KALRN: variants seen among roughly 807,000 people sequenced by gnomAD.
KALRN encodes the protein kalirin RhoGEF kinase, also known as kalirin.
A neutral mutation model predicts 353.7 loss-of-function variants in KALRN; 70 were observed. That is an observed-to-expected ratio of 0.20 (90% CI 0.16 to 0.24). The LOEUF (loss-of-function observed/expected upper bound fraction) is 0.24, where lower values mean the gene tolerates loss of function less well. Ranked by LOEUF, KALRN falls within the 10% of genes least tolerant of loss-of-function variation. The pLI is 1.00. For missense variants in KALRN, 2,791 were observed against 3,756.7 expected (o/e 0.74, Z 6.72); for synonymous variants, 1,391 against 1,434.8 (o/e 0.97, Z 0.69).
chr3:124,513,939 T>C (rs1180525144), intron 33 of KALRN, among the ~76,000 whole-genome samples: 1 of 152,148 alleles, frequency 6.6e-6, no homozygotes, highest in African/African-American at 2.4e-5. Context: ...GGGGTCAACA[T>C]GAGCAGCAAA....
At chr3:124,680,669 C>T (rs1578916483) in intron 51 of KALRN, among the ~76,000 whole-genome samples, 5 of 152,304 alleles carry the variant, frequency 3.3e-5, no homozygotes, top group Admixed American at 3.3e-4. Flanking sequence ...GATCATGAGG[C>T]CTAAGAGCCG....
intron 1 of KALRN, among the ~76,000 whole-genome samples, chr3:124,187,282 A>G (rs2074352545): frequency 6.6e-6 from 1 of 151,964 alleles, no homozygotes; most frequent in African/African-American, 2.4e-5. Context: ...GGGTTTCGCC[A>G]TTTTAGCCAG....
rs189527269 is a variant in KALRN at position 124,502,642 on chromosome 3, C to T, written c.4935+6229C>T. On this transcript the variant is annotated intron_variant, in intron 33 of 59. Coordinates refer to ENST00000682506, the MANE Select transcript of KALRN (RefSeq NM_001388419.1). ...GCAATGAAGGCAGTGATTTCTACTT[C>T]CTGGGATTTTGAAGGACTAGCTGAG... Among the ~76,000 whole-genome samples, 11 of 152,252 alleles carry T rather than the reference C, an allele frequency of 7.2e-5. 2 individuals are homozygous for T. Among genetic ancestry groups the T allele is most frequent in the Admixed American group, 7.2e-4 (11 of 15,296 alleles).
At chr3:124,498,189 G>A (rs2064089553) in intron 33 of KALRN, among the ~76,000 whole-genome samples, 2 of 152,158 alleles carry the variant, frequency 1.3e-5, no homozygotes, top group Non-Finnish European at 2.9e-5. Flanking sequence ...CCTGATACTA[G>A]GATGAACTCA....
At chr3:124,687,364 AG>A (rs1174924213) in intron 51 of KALRN, among the ~76,000 whole-genome samples, 13 of 152,284 alleles carry the variant, frequency 8.5e-5, no homozygotes, top group African/African-American at 3.1e-4. Context: ...ACTGACTCCT[AG>A]GCTGCCAGGA....
intron 51 of KALRN, among the ~76,000 whole-genome samples, chr3:124,691,151 G>T (rs545947173): frequency 6.6e-6 from 1 of 152,120 alleles, no homozygotes; most frequent in South Asian, 2.1e-4. Flanking sequence ...AAGTGAGTCC[G>T]GGCGTGGTGG....
At chr3:124,585,232 G>A (rs1190632802) in intron 34 of KALRN, among the ~76,000 whole-genome samples, 2 of 152,256 alleles carry the variant, frequency 1.3e-5, no homozygotes, top group Non-Finnish European at 2.9e-5. Flanking sequence ...GTGGGAAGGG[G>A]ACGCAGAGCC....
chr3:124,642,813 T>TGTTGTTGTTGTTTTTTTTTTTTTTG lies in KALRN; in HGVS notation c.5664+5510_5664+5511insGTTGTTGTTGTTTTTTTTTTTTTTG, dbSNP rs1365733888. ...AAGAGATTCCCAAGCCTCGTTTTTT[T>TGTTGTTGTTGTTTTTTTTTTTTTTG]TTTTTTTTTTTTTGAGACGGAGTTT... On this transcript the variant is annotated intron_variant, in intron 37 of 59. Transcript: ENST00000682506. Among the ~76,000 whole-genome samples the TGTTGTTGTTGTTTTTTTTTTTTTTG allele has an allele frequency of 4.0e-4, 55 of 137,988 alleles. 3 individuals are homozygous for TGTTGTTGTTGTTTTTTTTTTTTTTG. Among genetic ancestry groups the TGTTGTTGTTGTTTTTTTTTTTTTTG allele is most frequent in the Non-Finnish European group, 7.1e-4 (46 of 64,916 alleles). The allele number at this position is 137,988 out of a possible 152,430, so 90.5% of individuals were successfully genotyped here.
intron 49 of KALRN, chr3:124,675,515 C>CTTTT (rs199938833): frequency 4.2e-5 from 4 of 96,360 alleles, no homozygotes; most frequent in South Asian, 3.0e-4. Context: ...TCCTCCTCTT[C>CTTTT]TTCTTTTTTT....
chr3:124,105,341 T>C lies in KALRN; in HGVS notation c.73+71528T>C, dbSNP rs76849315. Among the ~76,000 whole-genome samples, 19 of 152,310 alleles carry C rather than the reference T, an allele frequency of 1.2e-4. No homozygotes were observed. In the East Asian group the frequency reaches 1.7e-3, roughly 14 times the overall value. On this transcript the variant is annotated intron_variant, in intron 1 of 59. Coordinates refer to ENST00000682506, the MANE Select transcript of KALRN (RefSeq NM_001388419.1). ...GATTACAAGATGCCTGATTCATTCA[T>C]GCATTAAAGTAGGTTTGTGTTTCTA...
intron 1 of KALRN, among the ~76,000 whole-genome samples, chr3:124,051,733 G>A (rs1345798089): frequency 6.6e-6 from 1 of 152,212 alleles, no homozygotes. Context: ...GCTGTGAGCA[G>A]TATTTCTACT....
intron 1 of KALRN, among the ~76,000 whole-genome samples, chr3:124,049,014 T>G (rs1182553782): frequency 6.6e-6 from 1 of 152,212 alleles, no homozygotes; most frequent in Non-Finnish European, 1.5e-5. Flanking sequence ...GCCTTTATCC[T>G]CAGGAGAGAG....
intron 56 of KALRN, among the ~76,000 whole-genome samples, chr3:124,700,672 C>T (rs933579391): frequency 6.6e-6 from 1 of 152,140 alleles, no homozygotes; most frequent in Non-Finnish European, 1.5e-5. Context: ...AAAGAAATCT[C>T]CAAATGGTGA....
intron 1 of KALRN, among the ~76,000 whole-genome samples, chr3:124,149,594 C>T (rs1364549808): frequency 6.6e-6 from 1 of 152,184 alleles, no homozygotes; most frequent in African/African-American, 2.4e-5. Flanking sequence ...CAAATATGTT[C>T]TATCCATGCT....
chr3:124,515,689 A>G (rs2066455894), intron 33 of KALRN, among the ~76,000 whole-genome samples: 1 of 152,220 alleles, frequency 6.6e-6, no homozygotes. Flanking sequence ...GTTTTCTCAA[A>G]GAAGAGAAAT....
At chr3:124,130,737 T>C (rs1312490372) in intron 1 of KALRN, among the ~76,000 whole-genome samples, 1 of 152,174 alleles carries the variant, frequency 6.6e-6, no homozygotes, top group Non-Finnish European at 1.5e-5. Flanking sequence ...AAAATGTTGT[T>C]TCCAACAACA....
intron 1 of KALRN, among the ~76,000 whole-genome samples, chr3:124,156,368 C>T (rs2068995456): frequency 6.6e-6 from 1 of 152,214 alleles, no homozygotes; most frequent in Admixed American, 6.5e-5. Context: ...AACATCTATT[C>T]CCAGTCCTTG....
rs371740285 is a variant in KALRN at position 124,334,327 on chromosome 3, C to T, written c.1479C>T (p.Ser493=). 6.2e-6 allele frequency: 10 copies of T among 1,614,132 alleles called. No homozygotes were observed. Among genetic ancestry groups the T allele is most frequent in the Non-Finnish European group, 6.8e-6 (8 of 1,180,058 alleles). ...VLQRPLSPGN[S]ESLTATANYS... is the part of the protein sequence containing the mutation. The stretch of plus-strand genomic sequence containing the variant: ...AGCGGCCCCTGAGCCCTGGGAACTC[C>T]GAATCCCTCACGGCCACAGCCAACT... The change falls in exon 9 of 60, where the codon TCC becomes TCT. Residue 493 remains serine (S), a synonymous_variant. Coordinates refer to ENST00000682506, the MANE Select transcript of KALRN (RefSeq NM_001388419.1). This position sits in a 1 kb window ranked among gnomAD's most constrained non-coding sequence, Gnocchi z 4.2.
chr3:124,158,410 T>G (rs1489708813), intron 1 of KALRN, among the ~76,000 whole-genome samples: 3 of 152,208 alleles, frequency 2.0e-5, no homozygotes, highest in African/African-American at 7.2e-5. Context: ...ACCTCTCAGA[T>G]GCCAGCACCA....
Sources: gnomAD v4.1 joint callset for allele counts (sites outside exome capture counted in the v4.1 genomes callset) on GRCh38, gnomAD v4.1.1 for gene constraint, Gnocchi (gnomAD v3.1) non-coding constraint, MANE v1.5 for transcripts, NCBI Gene and HGNC (gene_info 2026-07-23, HGNC 2026-07-21) for gene names.